The following NOL4 variants were observed in gnomAD, a reference collection of about 807,000 sequenced individuals.
NOL4 encodes nucleolar protein 4, also known as cancer/testis antigen 125.
Under a neutral mutation model 75.9 loss-of-function variants are expected in NOL4, and 17 were observed. The observed-to-expected ratio is 0.22, with a 90% CI of 0.15 to 0.34. NOL4 has a LOEUF of 0.34. NOL4 is among the 10% of genes least tolerant of loss of function. The probability of loss-of-function intolerance (pLI) is 1.00; values close to 1 mark genes in which losing one functional copy is unlikely to be tolerated. For missense variants in NOL4, 614 were observed against 793.5 expected (o/e 0.77, Z 2.72); for synonymous variants, 292 against 289.9 (o/e 1.01, Z -0.07).
At chr18:34,155,367 G>C (rs2030187048) in intron 1 of NOL4, among the ~76,000 whole-genome samples, 2 of 151,902 alleles carry the variant, frequency 1.3e-5, no homozygotes, top group Admixed American at 6.6e-5. Context: ...CTAATAACTT[G>C]ATAAAACAAG....
chr18:34,040,286 T>C (rs1027315854), intron 5 of NOL4, among the ~76,000 whole-genome samples: 7 of 151,866 alleles, frequency 4.6e-5, no homozygotes, highest in Admixed American at 2.0e-4. Flanking sequence ...TTTATACATT[T>C]TGGTACTTTT....
chr18:34,139,592 C>G (rs181056424), intron 1 of NOL4, among the ~76,000 whole-genome samples: 1 of 151,932 alleles, frequency 6.6e-6, no homozygotes, highest in Non-Finnish European at 1.5e-5. Flanking sequence ...GTCTTGCTAG[C>G]GCTCTATCAA....
chr18:33,907,581 G>T (rs945694402), intron 9 of NOL4, among the ~76,000 whole-genome samples: 15 of 152,188 alleles, frequency 9.9e-5, no homozygotes, highest in African/African-American at 2.9e-4. Context: ...ACTTTTAGAA[G>T]CACAATGGAG....
intron 9 of NOL4, among the ~76,000 whole-genome samples, chr18:33,927,588 G>T (rs1198142239): frequency 6.6e-6 from 1 of 152,142 alleles, no homozygotes. Context: ...ACACAGCAAA[G>T]ATTGGGGTTC....
At chr18:34,048,624 T>C (rs1047261430) in intron 5 of NOL4, 25 of 985,136 alleles carry the variant, frequency 2.5e-5, no homozygotes, top group Non-Finnish European at 2.9e-5. Context: ...AAGCAGGAGA[T>C]GGTGTTGCTA....
chr18:34,219,402 A>G (rs564206662), intron 1 of NOL4, among the ~76,000 whole-genome samples: 1 of 152,358 alleles, frequency 6.6e-6, no homozygotes, highest in South Asian at 2.1e-4. Flanking sequence ...CTTTTTAAAA[A>G]GAGCGTTTAA....
intron 9 of NOL4, among the ~76,000 whole-genome samples, chr18:33,893,196 T>C (rs747388199): frequency 2.6e-5 from 4 of 152,094 alleles, no homozygotes; most frequent in Non-Finnish European, 5.9e-5. Flanking sequence ...TATGTATCAA[T>C]ATGCATTTCA....
chr18:33,979,498 A>C (rs1450995193), intron 6 of NOL4, among the ~76,000 whole-genome samples: 1 of 152,064 alleles, frequency 6.6e-6, no homozygotes, highest in Admixed American at 6.6e-5. Context: ...ATAATGTACT[A>C]CTTGGTAAAG....
intron 5 of NOL4, among the ~76,000 whole-genome samples, chr18:34,047,044 T>C (rs1200488725): frequency 2.0e-5 from 3 of 152,144 alleles, no homozygotes; most frequent in Non-Finnish European, 4.4e-5. Context: ...CCAAATGCTA[T>C]TAAGCAAAGT....
chr18:34,125,269 C>A (rs1369182810), intron 2 of NOL4, among the ~76,000 whole-genome samples: 3 of 152,098 alleles, frequency 2.0e-5, no homozygotes, highest in African/African-American at 7.2e-5. Flanking sequence ...TGTAGATAAA[C>A]CCCTATTTCA....
intron 9 of NOL4, among the ~76,000 whole-genome samples, chr18:33,931,775 G>C (rs2067709390): frequency 6.6e-6 from 1 of 151,910 alleles, no homozygotes; most frequent in Non-Finnish European, 1.5e-5. Context: ...TGAAAGTTTT[G>C]CAGATATCAG....
At chr18:33,881,730 C>A (rs531970202) in intron 10 of NOL4, among the ~76,000 whole-genome samples, 4 of 151,968 alleles carry the variant, frequency 2.6e-5, no homozygotes, top group Non-Finnish European at 5.9e-5. Context: ...GAACCAAAAA[C>A]GAGCCCGCAT....
At chr18:33,932,588 G>A (rs1425709014) in intron 9 of NOL4, among the ~76,000 whole-genome samples, 1 of 151,812 alleles carries the variant, frequency 6.6e-6, no homozygotes, top group African/African-American at 2.4e-5. Context: ...AGTAAAATTA[G>A]CACTTAATAT....
chr18:33,892,789 C>T lies in NOL4; in HGVS notation c.1543-9365G>A, dbSNP rs372977252. ...CCTCTTGCCTCAGCCTTGTGAGTAGCTGGGACCACAGGTGCACACTGCCTT... is the reference window on the plus strand; with the variant it reads ...CCTCTTGCCTCAGCCTTGTGAGTAGTTGGGACCACAGGTGCACACTGCCTT... On this transcript the variant is annotated intron_variant, in intron 9 of 10. Transcript: ENST00000261592. Among the ~76,000 whole-genome samples the T allele has an allele frequency of 1.2e-4, 19 of 152,156 alleles. No individual in the cohort carries two copies. In the East Asian group the frequency reaches 1.7e-3, roughly 14 times the overall value.
Position 34,081,650 on chromosome 18 carries a change from C to G in NOL4, c.772+11815G>C, listed in dbSNP as rs181633193. On this transcript the variant is annotated intron_variant, in intron 5 of 10. Coordinates refer to ENST00000261592, the MANE Select transcript of NOL4 (RefSeq NM_003787.5). Reference sequence around the variant, plus strand: ...ATGGTCATGAATGAAGAGTGTTTTTCTTTTCCTTCCATCATAGCTTGGTCT... The same window carrying G: ...ATGGTCATGAATGAAGAGTGTTTTTGTTTTCCTTCCATCATAGCTTGGTCT... Among the ~76,000 whole-genome samples, 45 of 152,180 alleles carry G rather than the reference C, an allele frequency of 3.0e-4. 2 individuals are homozygous for G. The highest frequency in any genetic ancestry group is 2.6e-3 in the Admixed American group (39 of 15,284).
chr18:33,883,472 T>G, intron 9 of NOL4, 48 bp from the exon 10 acceptor site: 1 of 1,487,868 alleles, frequency 6.7e-7, no homozygotes, highest in Non-Finnish European at 9.0e-7. Context: ...ACAGTGCTAT[T>G]TCACCTTGAA....
rs1396123240 is a variant in NOL4, at chr18:33,943,085, T to A, written c.1522A>T (p.Met508Leu). The A allele has an allele frequency of 6.2e-7, 1 of 1,611,294 alleles. No individual in the cohort carries two copies. Reference protein sequence around the residue: ...ESESRNAAKRMRLERQQDESA... With the variant: ...ESESRNAAKRLRLERQQDESA... Reference sequence around the variant, plus strand: ...AGTACCTGCTGTCTCTCCAGACGCATCCTCTTGGCGGCATTTCTACTCTCA... The same window carrying A: ...AGTACCTGCTGTCTCTCCAGACGCAACCTCTTGGCGGCATTTCTACTCTCA... Residue 508 changes from methionine (M) to leucine (L), a missense_variant, in exon 9 of 11, where the codon ATG (methionine) becomes TTG (leucine). Met to Leu is a conservative substitution (Grantham distance 15). Coordinates refer to ENST00000261592, the MANE Select transcript of NOL4 (RefSeq NM_003787.5).
intron 9 of NOL4, among the ~76,000 whole-genome samples, chr18:33,929,325 T>C (rs1215489451): frequency 1.3e-5 from 2 of 152,114 alleles, no homozygotes; most frequent in Admixed American, 6.6e-5. Flanking sequence ...TTGTATGGAA[T>C]ACCCTCCTCT....
intron 1 of NOL4, among the ~76,000 whole-genome samples, chr18:34,198,960 T>G (rs571131764): frequency 6.6e-6 from 1 of 151,956 alleles, no homozygotes; most frequent in South Asian, 2.1e-4. Flanking sequence ...TGTAAAAGCT[T>G]CTGTCAGTCA....
Sources: gnomAD v4.1 joint callset for allele counts (sites outside exome capture counted in the v4.1 genomes callset) on GRCh38, gnomAD v4.1.1 for gene constraint, MANE v1.5 for transcripts, NCBI Gene and HGNC (gene_info 2026-07-23, HGNC 2026-07-21) for gene names.